Variants in ADAMTSL1 observed in about 807,000 individuals in gnomAD.
The protein encoded by ADAMTSL1 is ADAMTS-like protein 1.
In ADAMTSL1, 126 loss-of-function variants were observed where a neutral mutation model predicts 201.8. That is an observed-to-expected ratio of 0.62 (90% confidence interval 0.54 to 0.72). ADAMTSL1 has a LOEUF of 0.72. ADAMTSL1 is among the 30% of genes least tolerant of loss of function. ADAMTSL1 has a pLI of 0.00. For synonymous variants in ADAMTSL1, 1,121 were observed against 903.4 expected (o/e 1.24, Z -4.32); for missense variants, 2,679 against 2,277.8 (o/e 1.18, Z -3.59).
rs1380245736 is a variant in ADAMTSL1 at position 18,642,633 on chromosome 9, A to C, written c.834+3222A>C. Among the ~76,000 whole-genome samples, 5 of 151,878 alleles carry C rather than the reference A, an allele frequency of 3.3e-5. No individual in the cohort carries two copies. The East Asian group carries it at 9.6e-4, about 29-fold the overall frequency. On this transcript the variant is annotated intron_variant, in intron 7 of 28. Coordinates refer to ENST00000380548, the MANE Select transcript of ADAMTSL1 (RefSeq NM_001040272.6). ...CAATATTCTACTCTGTGTTTCTATT[A>C]GGTCAATTGTTTTAGATTTGACACA...
intron 25 of ADAMTSL1, chr9:18,890,904 G>A (rs1013438858): frequency 7.9e-6 from 2 of 251,654 alleles, no homozygotes; most frequent in African/African-American, 2.3e-5. Flanking sequence ...TTTGGTGATG[G>A]TCAGAGTCAA....
chr9:18,447,777 A>C (rs1820251795), intron 2 of ADAMTSL1, among the ~76,000 whole-genome samples: 1 of 152,156 alleles, frequency 6.6e-6, no homozygotes, highest in African/African-American at 2.4e-5. Context: ...CTCTCTGCCA[A>C]ATGAGTTTGC....
Position 18,721,566 on chromosome 9 carries a change from A to G in ADAMTSL1, c.1907A>G (p.Asn636Ser), listed in dbSNP as rs1213368742. The change falls in exon 15 of 29, where the codon AAC becomes AGC. Residue 636 changes from asparagine to serine, a missense_variant. By Grantham distance (46) the Asn-to-Ser change is conservative (BLOSUM62 1). Coordinates refer to ENST00000380548, the MANE Select transcript of ADAMTSL1 (RefSeq NM_001040272.6). ...GVQEAVVSCL[N>S]KQTREPAEEN... ...CAGGAGGCTGTGGTGAGCTGCTTGAACAAACAGACTCGGGAGCCTGCTGAG... is the reference window on the plus strand; with the variant it reads ...CAGGAGGCTGTGGTGAGCTGCTTGAGCAAACAGACTCGGGAGCCTGCTGAG... 1.2e-6 allele frequency: 2 copies of G among 1,613,812 alleles called. No individual in the cohort carries two copies. The highest frequency in any genetic ancestry group is 1.7e-6 in the Non-Finnish European group (2 of 1,179,870).
At chr9:18,759,084 T>C (rs576498802) in intron 16 of ADAMTSL1, among the ~76,000 whole-genome samples, 6 of 152,324 alleles carry the variant, frequency 3.9e-5, no homozygotes, top group Admixed American at 2.6e-4. Context: ...ATTGCATATG[T>C]TTTATGTTCA....
intron 1 of ADAMTSL1, among the ~76,000 whole-genome samples, chr9:18,081,856 C>G (rs1026092107): frequency 6.6e-6 from 1 of 152,126 alleles, no homozygotes; most frequent in African/African-American, 2.4e-5. Context: ...TGAAGAAAAG[C>G]TATGTAACTG....
At chr9:18,900,689 C>T (rs955149161) in intron 26 of ADAMTSL1, among the ~76,000 whole-genome samples, 2 of 146,392 alleles carry the variant, frequency 1.4e-5, no homozygotes, top group East Asian at 2.1e-4. Flanking sequence ...AACCAAACAC[C>T]GTATATTTCC....
chr9:18,279,646 A>G (rs1832709954), intron 2 of ADAMTSL1, among the ~76,000 whole-genome samples: 1 of 151,996 alleles, frequency 6.6e-6, no homozygotes, highest in African/African-American at 2.4e-5. Flanking sequence ...ACAGAAATCC[A>G]CAACTTAGAT....
intron 23 of ADAMTSL1, among the ~76,000 whole-genome samples, chr9:18,832,720 C>G (rs559336121): frequency 7.2e-5 from 11 of 152,272 alleles, no homozygotes; most frequent in African/African-American, 2.6e-4. Context: ...ATGTTCTTAC[C>G]AAGCCTGGTG....
intron 1 of ADAMTSL1, among the ~76,000 whole-genome samples, chr9:18,073,672 G>A (rs1204455278): frequency 1.3e-5 from 2 of 152,168 alleles, no homozygotes; most frequent in Non-Finnish European, 2.9e-5. Flanking sequence ...AGATATGCAT[G>A]CATTTTTTAT....
At chr9:18,639,825 T>C (rs979400764) in intron 7 of ADAMTSL1, among the ~76,000 whole-genome samples, 1 of 152,142 alleles carries the variant, frequency 6.6e-6, no homozygotes, top group African/African-American at 2.4e-5. Flanking sequence ...TGGCAAGCTC[T>C]GTTTTCTTTT....
Position 18,184,456 on chromosome 9 carries a change from C to T in ADAMTSL1, c.207+20475C>T, listed in dbSNP as rs181488417. On this transcript the variant is annotated intron_variant, in intron 2 of 29. Coordinates refer to the ADAMTSL1 transcript ENST00000680146. ...TTTAATCACCAGTATCAAAATTTTC[C>T]ATAGGCAGTTAAATACCTAAGAGGA... 7.3e-4 allele frequency among the ~76,000 whole-genome samples: 111 copies of T among 152,136 alleles called. 1 individual carries two copies. Among genetic ancestry groups the T allele is most frequent in the Middle Eastern group, 6.8e-3 (2 of 294 alleles).
intron 1 of ADAMTSL1, among the ~76,000 whole-genome samples, chr9:18,040,605 T>A (rs959138495): frequency 1.3e-5 from 2 of 152,216 alleles, no homozygotes; most frequent in African/African-American, 4.8e-5. Flanking sequence ...ACTGCTATAG[T>A]GAATTTGTCA....
intron 2 of ADAMTSL1, among the ~76,000 whole-genome samples, chr9:18,174,258 C>G (rs1468574500): frequency 1.3e-5 from 2 of 152,154 alleles, no homozygotes; most frequent in Non-Finnish European, 2.9e-5. Context: ...CTGAAGCTAT[C>G]AACCCGTGCG....
intron 2 of ADAMTSL1, among the ~76,000 whole-genome samples, chr9:18,369,059 G>C (rs147193242): frequency 6.6e-6 from 1 of 152,174 alleles, no homozygotes; most frequent in East Asian, 1.9e-4. Flanking sequence ...CTGGAACTGT[G>C]TAATGTTATA....
chr9:18,590,367 T>A (rs1188564265), intron 4 of ADAMTSL1, among the ~76,000 whole-genome samples: 1 of 152,088 alleles, frequency 6.6e-6, no homozygotes, highest in East Asian at 1.9e-4. Context: ...AATGTTTCCT[T>A]TTTCATCTCT....
intron 2 of ADAMTSL1, chr9:18,362,215 C>G (rs1382120622): frequency 3.3e-5 from 5 of 152,162 alleles, no homozygotes; most frequent in African/African-American, 1.2e-4. Context: ...TTGTTCTCAC[C>G]TAACACTGGA....
At chr9:18,015,613 A>G (rs557566099) in intron 1 of ADAMTSL1, among the ~76,000 whole-genome samples, 2 of 152,104 alleles carry the variant, frequency 1.3e-5, no homozygotes, top group Admixed American at 1.3e-4. Context: ...CCCATTTTAC[A>G]GTTGATAAAA....
At chr9:18,005,794 G>A (rs1819792935) in intron 1 of ADAMTSL1, among the ~76,000 whole-genome samples, 1 of 151,958 alleles carries the variant, frequency 6.6e-6, no homozygotes, top group African/African-American at 2.4e-5. Flanking sequence ...GCCTTTAGGT[G>A]AGTTTACTAA....
intron 23 of ADAMTSL1, among the ~76,000 whole-genome samples, chr9:18,858,090 T>A (rs1010666301): frequency 2.0e-5 from 3 of 152,144 alleles, no homozygotes; most frequent in Non-Finnish European, 4.4e-5. Flanking sequence ...TATAGCCATA[T>A]ACACACACAC....
Sources: allele counts gnomAD v4.1 joint callset (sites outside exome capture counted in the v4.1 genomes callset), GRCh38; gene constraint gnomAD v4.1.1; transcripts MANE v1.5; gene names NCBI Gene and HGNC (gene_info 2026-07-23, HGNC 2026-07-21).